MACROH2A2: variants seen among roughly 807,000 people sequenced by gnomAD.
MACROH2A2 encodes core histone macro-H2A.2.
MACROH2A2 carries 6 observed loss-of-function variants against 37.6 expected under a neutral mutation model. The observed-to-expected ratio is 0.16, with a 90% CI of 0.09 to 0.32. The LOEUF (loss-of-function observed/expected upper bound fraction) is 0.32. MACROH2A2 is among the 10% of genes least tolerant of loss of function. MACROH2A2 has a pLI of 1.00. For missense variants in MACROH2A2, 290 were observed against 485.9 expected (o/e 0.60, Z 3.79); for synonymous variants, 192 against 202.7 (o/e 0.95, Z 0.45).
At chr10:70,074,750 G>A (rs112218880) in intron 1 of MACROH2A2, among the ~76,000 whole-genome samples, 5,312 of 152,238 alleles carry the variant, frequency 0.035, 128 homozygotes, top group Middle Eastern at 0.11. Context: ...CATATAAGAC[G>A]TGCCTTTCAC....
rs200973097 is a variant in MACROH2A2 at position 70,091,969 on chromosome 10, C to T, written c.477+15C>T. 3.0e-5 allele frequency: 48 copies of T among 1,606,358 alleles called. 1 individual carries two copies. In the East Asian group the frequency reaches 5.1e-4, roughly 17 times the overall value. On this transcript the variant is annotated intron_variant, in intron 4 of 8. Coordinates refer to ENST00000373255, the MANE Select transcript of MACROH2A2 (RefSeq NM_018649.3). The stretch of plus-strand genomic sequence containing the variant: ...CGTCCAAAAAGGTAGGCCGAGGCTG[C>T]GTGTCCTGGGCCAGGCACTCCCACT...
At position 70,109,081 on chromosome 10, in the gene MACROH2A2, G is replaced by C; in HGVS notation, c.827G>C (p.Cys276Ser). ...CTCGCAGCCAAATTTGTCATCCACT[G>C]TCACATCCCTCAGTGGGGCTCCGAC... ...SGLAAKFVIHCHIPQWGSDKC... is the reference protein window; with the variant it reads ...SGLAAKFVIHSHIPQWGSDKC... The change falls in exon 8 of 9, where the codon TGT becomes TCT. Residue 276 changes from cysteine to serine, a missense_variant. By Grantham distance (112) the Cys-to-Ser change is moderately radical. Around this residue, in one of 3 missense-constraint regions of MACROH2A2, gnomAD observed 130 missense variants for 257.1 expected, o/e 0.51. Transcript: ENST00000373255. The C allele has an allele frequency of 4.3e-6, 7 of 1,614,192 alleles. No individual in the cohort carries two copies. Among genetic ancestry groups the C allele is most frequent in the Non-Finnish European group, 5.9e-6 (7 of 1,180,006 alleles).
intron 1 of MACROH2A2, among the ~76,000 whole-genome samples, chr10:70,066,354 T>C (rs910306062): frequency 1.3e-5 from 2 of 152,164 alleles, no homozygotes; most frequent in Non-Finnish European, 1.5e-5. Context: ...CAAAGTTTAC[T>C]TCCCTGTCCT....
intron 1 of MACROH2A2, among the ~76,000 whole-genome samples, chr10:70,070,325 G>A (rs912793619): frequency 2.2e-4 from 33 of 152,326 alleles, no homozygotes; most frequent in African/African-American, 7.9e-4. Flanking sequence ...CTCACTTAGA[G>A]GGAAGTCTGG....
At chr10:70,101,462 T>C (rs2072306578) in intron 7 of MACROH2A2, among the ~76,000 whole-genome samples, 1 of 151,900 alleles carries the variant, frequency 6.6e-6, no homozygotes, top group Middle Eastern at 3.4e-3. Flanking sequence ...GCTTAGATTA[T>C]GGTGTGTCAG....
intron 4 of MACROH2A2, 141 bp from the exon 5 acceptor site, chr10:70,093,594 C>G: frequency 1.7e-6 from 1 of 588,638 alleles, no homozygotes; most frequent in East Asian, 2.8e-5. Flanking sequence ...TTGCTCCCCT[C>G]CTTCAAGAAA....
chr10:70,079,941 A>T (rs1268075200), intron 2 of MACROH2A2, among the ~76,000 whole-genome samples: 1 of 152,146 alleles, frequency 6.6e-6, no homozygotes, highest in Non-Finnish European at 1.5e-5. Context: ...TGAGAAGTAG[A>T]TTGAGGTGTG....
rs965416211 is a variant in MACROH2A2 at position 70,053,854 on chromosome 10, G to C, written c.-60+854G>C. Among the ~76,000 whole-genome samples the C allele has an allele frequency of 2.0e-5, 3 of 152,130 alleles. No individual in the cohort carries two copies. Among genetic ancestry groups the C allele is most frequent in the Non-Finnish European group, 4.4e-5 (3 of 68,004 alleles). On this transcript the variant is annotated intron_variant, in intron 1 of 8. Coordinates refer to ENST00000373255, the MANE Select transcript of MACROH2A2 (RefSeq NM_018649.3). This position sits in a 1 kb window ranked among gnomAD's most constrained non-coding sequence, Gnocchi z 4.8. Reference sequence around the variant, plus strand: ...TAATAATAATAAAAATATCGAAAAAGGGAATAAAAGTAAACTGGCTGCGGC... The same window carrying C: ...TAATAATAATAAAAATATCGAAAAACGGAATAAAAGTAAACTGGCTGCGGC...
chr10:70,071,425 CT>C (rs1257001941), intron 1 of MACROH2A2, among the ~76,000 whole-genome samples: 1 of 152,116 alleles, frequency 6.6e-6, no homozygotes, highest in East Asian at 1.9e-4. Flanking sequence ...TGAAAAGTGC[CT>C]TTCAGAAAAA....
At chr10:70,089,824 T>G (rs565593286) in intron 2 of MACROH2A2, among the ~76,000 whole-genome samples, 1 of 152,202 alleles carries the variant, frequency 6.6e-6, no homozygotes, top group East Asian at 1.9e-4. Context: ...AGTGGCACAA[T>G]CATAGCTCAC....
intron 1 of MACROH2A2, among the ~76,000 whole-genome samples, chr10:70,057,658 G>A (rs1459338930): frequency 1.3e-5 from 2 of 152,088 alleles, no homozygotes; most frequent in East Asian, 1.9e-4. Flanking sequence ...TAATTGTAGC[G>A]GTTGGTTTTG....
intron 1 of MACROH2A2, among the ~76,000 whole-genome samples, chr10:70,054,932 T>C (rs2072005177): frequency 1.3e-5 from 2 of 152,120 alleles, no homozygotes; most frequent in South Asian, 4.1e-4. Context: ...GATCCATTAA[T>C]TGTCAGACTT....
In MACROH2A2 at chr10:70,075,909, G is replaced by GA; in HGVS notation, c.172+80dup. On this transcript the variant is annotated intron_variant, in intron 2 of 8. Transcript: ENST00000373255. This position sits in a 1 kb window ranked among gnomAD's most constrained non-coding sequence, Gnocchi z 5.0. ...GGGTCCCCCTCGCAGGCTGGGGAGG[G>GA]ATGCTCCAAATTGCCTTTTGGCTGG... 6 of 1,262,450 alleles carry GA rather than the reference G, an allele frequency of 4.8e-6. No homozygotes were observed. The highest frequency in any genetic ancestry group is 6.7e-6 in the Non-Finnish European group (6 of 896,094). The allele number at this position is 1,262,450 out of a possible 1,614,324, so 78.2% of individuals were successfully genotyped here. A position where few individuals can be genotyped will look rare whatever the true frequency, so the allele number is the denominator to read the frequency against.
At chr10:70,058,446 A>C (rs2072029867) in intron 1 of MACROH2A2, among the ~76,000 whole-genome samples, 1 of 152,208 alleles carries the variant, frequency 6.6e-6, no homozygotes, top group Non-Finnish European at 1.5e-5. Flanking sequence ...TTATTCACTC[A>C]AAGTTACAAC....
intron 1 of MACROH2A2, among the ~76,000 whole-genome samples, chr10:70,060,639 A>C (rs1378225664): frequency 6.6e-6 from 1 of 152,220 alleles, no homozygotes; most frequent in Non-Finnish European, 1.5e-5. Flanking sequence ...GTGCGCCTGC[A>C]CACCTCTACT....
intron 1 of MACROH2A2, among the ~76,000 whole-genome samples, chr10:70,069,274 C>G (rs1208958639): frequency 2.0e-5 from 3 of 152,176 alleles, no homozygotes; most frequent in Non-Finnish European, 4.4e-5. Flanking sequence ...ATGTGCTTCC[C>G]GTTGCTGTGC....
intron 6 of MACROH2A2, 68 bp from the exon 7 acceptor site, chr10:70,100,140 A>G (rs1385614153): frequency 8.7e-6 from 7 of 803,302 alleles, no homozygotes; most frequent in South Asian, 1.6e-5. Flanking sequence ...GCCTACTACA[A>G]ATATGTCAAA....
At chr10:70,055,159 C>T (rs944177531) in intron 1 of MACROH2A2, among the ~76,000 whole-genome samples, 1 of 152,220 alleles carries the variant, frequency 6.6e-6, no homozygotes, top group Admixed American at 6.5e-5. Context: ...TTCACTGCCT[C>T]CTGCCAGCAG....
At chr10:70,092,613 G>A (rs745595341) in intron 4 of MACROH2A2, among the ~76,000 whole-genome samples, 7 of 152,170 alleles carry the variant, frequency 4.6e-5, no homozygotes, top group Non-Finnish European at 8.8e-5. Context: ...TTGCAGCTTG[G>A]TGCCGGAAGA....
Sources: gnomAD v4.1 joint callset for allele counts (sites outside exome capture counted in the v4.1 genomes callset) on GRCh38, gnomAD v4.1.1 for gene constraint, gnomAD v4.1.1 regional missense constraint, Gnocchi (gnomAD v3.1) non-coding constraint, MANE v1.5 for transcripts, NCBI Gene and HGNC (gene_info 2026-07-23, HGNC 2026-07-21) for gene names.